Variants in PRKCE observed in about 807,000 individuals in gnomAD.
The protein encoded by PRKCE is protein kinase C epsilon.
Under a neutral mutation model 85.4 loss-of-function variants are expected in PRKCE, and 16 were observed. The observed-to-expected ratio is 0.19, with a 90% CI of 0.13 to 0.28. The LOEUF (loss-of-function observed/expected upper bound fraction) is 0.28. Ranked by LOEUF, PRKCE falls within the 10% of genes least tolerant of loss-of-function variation. PRKCE has a pLI of 1.00. For synonymous variants in PRKCE, 388 were observed against 371.5 expected (o/e 1.04, Z -0.51); for missense variants, 573 against 975.2 (o/e 0.59, Z 5.49).
chr2:45,831,942 A>T (rs998025483), intron 1 of PRKCE, among the ~76,000 whole-genome samples: 1 of 152,322 alleles, frequency 6.6e-6, no homozygotes, highest in Admixed American at 6.5e-5. Flanking sequence ...GCAAAAGAAA[A>T]GAAAAAAGAT....
chr2:45,882,028 A>G (rs1694926784), intron 2 of PRKCE, among the ~76,000 whole-genome samples: 1 of 152,204 alleles, frequency 6.6e-6, no homozygotes, highest in Non-Finnish European at 1.5e-5. Context: ...CCAGGGGGGA[A>G]AGGTGTTTCT....
chr2:45,663,867 A>G lies in PRKCE; in HGVS notation c.348+11419A>G, dbSNP rs1675793431. ...TCAGGAGACCAGTTAAGATTAAAGT[A>G]GGAATGCACTCCAGAAAAATTGCCC... On this transcript the variant is annotated intron_variant, in intron 1 of 14. Transcript: ENST00000306156. Among the ~76,000 whole-genome samples, 3 of 152,362 alleles carry G rather than the reference A, an allele frequency of 2.0e-5. 1 individual carries two copies. In the South Asian group the frequency reaches 6.2e-4, roughly 32 times the overall value.
intron 2 of PRKCE, among the ~76,000 whole-genome samples, chr2:45,861,266 G>A (rs868415164): frequency 6.6e-6 from 1 of 152,272 alleles, no homozygotes; most frequent in Middle Eastern, 3.4e-3. Flanking sequence ...GGCAATCCTT[G>A]TAACTCCTGG....
intron 1 of PRKCE, among the ~76,000 whole-genome samples, chr2:45,713,384 G>C (rs1679829753): frequency 6.6e-6 from 1 of 152,124 alleles, no homozygotes; most frequent in Non-Finnish European, 1.5e-5. Context: ...ATGGATAGCT[G>C]TAAAGACTCA....
intron 11 of PRKCE, among the ~76,000 whole-genome samples, chr2:46,112,196 C>G (rs1342123690): frequency 1.3e-5 from 2 of 152,146 alleles, no homozygotes; most frequent in Non-Finnish European, 2.9e-5. Context: ...TTGTCTGAAG[C>G]TAATATAGGC....
At chr2:46,144,914 G>T (rs1002560566) in intron 11 of PRKCE, among the ~76,000 whole-genome samples, 179 bp from the exon 12 acceptor site, 1 of 152,188 alleles carries the variant, frequency 6.6e-6, no homozygotes, top group South Asian at 2.1e-4. Context: ...TGGAGGTGCC[G>T]TTAGGGGCTG....
At chr2:45,987,032 T>TG (rs1558924094) in intron 6 of PRKCE, among the ~76,000 whole-genome samples, 1 of 46,220 alleles carries the variant, frequency 2.2e-5, no homozygotes, top group Non-Finnish European at 4.2e-5. Flanking sequence ...TGATGTCTGT[T>TG]TTTTTTTTTG....
At chr2:46,182,429 G>A (rs1680079909) in intron 14 of PRKCE, among the ~76,000 whole-genome samples, 1 of 151,974 alleles carries the variant, frequency 6.6e-6, no homozygotes, top group South Asian at 2.1e-4. Flanking sequence ...GAGAACAGAT[G>A]GTCCTCCTGC....
chr2:46,035,233 G>A (rs1707786221), intron 10 of PRKCE, among the ~76,000 whole-genome samples: 2 of 152,202 alleles, frequency 1.3e-5, no homozygotes, highest in South Asian at 2.1e-4. Context: ...CCACACTTCA[G>A]GATTTCTTTG....
chr2:45,980,888 A>G (rs1348231986), intron 5 of PRKCE, among the ~76,000 whole-genome samples: 3 of 152,214 alleles, frequency 2.0e-5, no homozygotes. Context: ...GCACTTTAAC[A>G]TATATTATTT....
At chr2:45,762,304 T>C (rs935587236) in intron 1 of PRKCE, among the ~76,000 whole-genome samples, 1 of 152,210 alleles carries the variant, frequency 6.6e-6, no homozygotes, top group African/African-American at 2.4e-5. Context: ...CCAGCGGGTC[T>C]CACTATGCTG....
At chr2:46,047,329 G>A (rs7563379) in intron 10 of PRKCE, among the ~76,000 whole-genome samples, 102,232 of 152,150 alleles carry the variant, frequency 0.67, 36,612 homozygotes, top group African/African-American at 0.92. Flanking sequence ...ACAAGATCCC[G>A]TTAAGGGCTG....
chr2:46,120,737 G>T (rs762451768), intron 11 of PRKCE, among the ~76,000 whole-genome samples: 1 of 152,118 alleles, frequency 6.6e-6, no homozygotes, highest in Non-Finnish European at 1.5e-5. Flanking sequence ...ACACGTTTTT[G>T]TAACTTCTCA....
chr2:45,864,995 G>A (rs550725657), intron 2 of PRKCE, among the ~76,000 whole-genome samples: 1 of 152,274 alleles, frequency 6.6e-6, no homozygotes, highest in East Asian at 1.9e-4. Context: ...AAGTTCTCAG[G>A]TAACCTGAGA....
rs530588166 is a variant in PRKCE, at chr2:45,893,069, C to T, written c.412+50006C>T. 1.8e-3 allele frequency among the ~76,000 whole-genome samples: 279 copies of T among 152,298 alleles called. 2 individuals carry two copies. Among genetic ancestry groups the T allele is most frequent in the Non-Finnish European group, 2.3e-3 (156 of 68,036 alleles). ...CAAGATGGGCTGACTGTTTGCGACC[C>T]TCACAGAACCCTGCAGGCCATATTC... is the stretch of plus-strand genomic sequence containing the variant. On this transcript the variant is annotated intron_variant, in intron 2 of 14. Transcript: ENST00000306156.
At chr2:45,945,622 G>A (rs746181534) in intron 2 of PRKCE, among the ~76,000 whole-genome samples, 1 of 152,148 alleles carries the variant, frequency 6.6e-6, no homozygotes, top group Non-Finnish European at 1.5e-5. Flanking sequence ...TATGTACCAG[G>A]CACCATACTA....
chr2:45,828,832 A>T (rs59145984), intron 1 of PRKCE, among the ~76,000 whole-genome samples: 10,497 of 152,228 alleles, frequency 0.069, 605 homozygotes, highest in African/African-American at 0.16. Context: ...TTGAGAAACT[A>T]TAGATACTTA....
chr2:45,873,167 T>A (rs943150450), intron 2 of PRKCE, among the ~76,000 whole-genome samples: 1 of 152,192 alleles, frequency 6.6e-6, no homozygotes, highest in Non-Finnish European at 1.5e-5. Flanking sequence ...GACGGCCACT[T>A]CCTAGTCTTC....
intron 1 of PRKCE, among the ~76,000 whole-genome samples, chr2:45,694,387 A>G (rs1208886420): frequency 6.6e-6 from 1 of 152,064 alleles, no homozygotes; most frequent in African/African-American, 2.4e-5. Context: ...AAAAGTGAGG[A>G]TGGGTTCAGG....
Sources: gnomAD v4.1 joint callset for allele counts (sites outside exome capture counted in the v4.1 genomes callset) on GRCh38, gnomAD v4.1.1 for gene constraint, MANE v1.5 for transcripts, NCBI Gene and HGNC (gene_info 2026-07-23, HGNC 2026-07-21) for gene names.